HMCN1: variants seen among roughly 807,000 people sequenced by gnomAD.
HMCN1 encodes hemicentin-1.
Under a neutral mutation model 625.9 loss-of-function variants are expected in HMCN1, and 321 were observed. The ratio of observed to expected loss-of-function variants is 0.51; its 90% CI spans 0.47 to 0.56. The LOEUF (loss-of-function observed/expected upper bound fraction) is 0.56, where lower values mean the gene tolerates loss of function less well. Ranked by LOEUF, HMCN1 falls within the 20% of genes least tolerant of loss-of-function variation. The probability of loss-of-function intolerance (pLI) is 0.00; values close to 1 mark genes in which losing one functional copy is unlikely to be tolerated. For missense variants in HMCN1, 6,588 were observed against 6,887.3 expected, an observed-to-expected ratio of 0.96 and a Z score of 1.54; for synonymous variants, 2,425 against 2,417.6, an observed-to-expected ratio of 1.00 and a Z score of -0.09.
At chr1:186,170,673 T>TA (rs950324347) in intron 100 of HMCN1, among the ~76,000 whole-genome samples, 3 of 151,950 alleles carry the variant, frequency 2.0e-5, no homozygotes, top group Non-Finnish European at 4.4e-5. Flanking sequence ...AAAGCTCAAA[T>TA]AGGGGGACTT....
In HMCN1 at chr1:185,933,628, C is replaced by T; in HGVS notation, c.1632C>T (p.Ile544=). Residue 544 remains isoleucine, a synonymous_variant, in exon 11 of 107, where the codon ATC becomes ATT. Transcript: ENST00000271588. The part of the protein sequence containing the change: ...GERAVLTCLI[I]SAVDYNLTWQ... ...GAGCAGTTTTAACATGTCTCATCAT[C>T]AGTGCGGTGGATTACAATCTAACCT... 1.2e-6 allele frequency: 2 copies of T among 1,613,988 alleles called. No individual in the cohort carries two copies. The highest frequency in any genetic ancestry group is 1.7e-6 in the Non-Finnish European group (2 of 1,179,912).
chr1:185,803,218 A>C (rs1246546159), intron 1 of HMCN1, among the ~76,000 whole-genome samples: 5 of 139,542 alleles, frequency 3.6e-5, no homozygotes, highest in Non-Finnish European at 7.4e-5. Context: ...AAAAAAAAAA[A>C]AAAAACAAAA....
At chr1:185,889,223 GT>G (rs1441140805) in intron 4 of HMCN1, among the ~76,000 whole-genome samples, 1 of 145,188 alleles carries the variant, frequency 6.9e-6, no homozygotes, top group Non-Finnish European at 1.5e-5. Context: ...AGACGATGGG[GT>G]TTTCTAGATA....
chr1:186,155,639 G>C (rs542524664), intron 97 of HMCN1, among the ~76,000 whole-genome samples: 1 of 152,264 alleles, frequency 6.6e-6, no homozygotes, highest in South Asian at 2.1e-4. Flanking sequence ...CCGTCTTTAA[G>C]TGTGTTTGTT....
chr1:186,108,887 G>T (rs1660748907), intron 71 of HMCN1, among the ~76,000 whole-genome samples: 1 of 152,190 alleles, frequency 6.6e-6, no homozygotes, highest in Non-Finnish European at 1.5e-5. Context: ...ATTAAAGTTT[G>T]ATTTGAAATA....
chr1:185,746,703 C>T (rs1334358986), intron 1 of HMCN1, among the ~76,000 whole-genome samples: 1 of 149,230 alleles, frequency 6.7e-6, no homozygotes, highest in African/African-American at 2.5e-5. Context: ...CTCCCAGGTT[C>T]TAGCGATTCT....
At chr1:185,915,917 T>C (rs1666675538) in intron 6 of HMCN1, among the ~76,000 whole-genome samples, 1 of 151,998 alleles carries the variant, frequency 6.6e-6, no homozygotes, top group South Asian at 2.1e-4. Context: ...TGTTTGATAA[T>C]AGATTTTTCC....
Position 185,877,321 on chromosome 1 carries a change from CTTTTTTTTTTTTT to C in HMCN1, c.621+11476_621+11488del, listed in dbSNP as rs71557837. On this transcript the variant is annotated intron_variant, in intron 4 of 106. Coordinates refer to ENST00000271588, the MANE Select transcript of HMCN1 (RefSeq NM_031935.3). ...CTATTTCATTGATCTATGTGTCTTT[CTTTTTTTTTTTTT>C]TTTTTTTTTTTTTTTTTACCAGTAC... 2.3e-4 allele frequency among the ~76,000 whole-genome samples: 8 copies of C among 34,912 alleles called. No individual in the cohort carries two copies. In the East Asian group the frequency reaches 4.1e-3, roughly 18 times the overall value. 22.9% of individuals were successfully genotyped at this position (34,912 alleles called of 152,430 possible).
At chr1:186,110,977 C>CCTTTTTTTTTTTTTTTTTTTT (rs1660847379) in intron 71 of HMCN1, among the ~76,000 whole-genome samples, 1 of 61,650 alleles carries the variant, frequency 1.6e-5, no homozygotes, top group African/African-American at 9.8e-5. Flanking sequence ...AGAGAAAATT[C>CCTTTTTTTTTTTTTTTTTTTT]TTTTTTTTTT....
Position 185,745,046 on chromosome 1 carries a change from TA to T in HMCN1, c.268+10008del, listed in dbSNP as rs138596042. 4.0e-5 allele frequency among the ~76,000 whole-genome samples: 6 copies of T among 150,694 alleles called. No individual in the cohort carries two copies. The South Asian group carries it at 8.4e-4, about 21-fold the overall frequency. ...TGGACTGGACATGGTCCTAAGAATC[TA>T]AAAAAAAAGAAATATAATTGCCTTT... On this transcript the variant is annotated intron_variant, in intron 1 of 106. Coordinates refer to ENST00000271588, the MANE Select transcript of HMCN1 (RefSeq NM_031935.3).
chr1:185,792,279 C>T (rs1465051422), intron 1 of HMCN1, among the ~76,000 whole-genome samples: 1 of 152,096 alleles, frequency 6.6e-6, no homozygotes, highest in African/African-American at 2.4e-5. Flanking sequence ...AACTGTATTC[C>T]CAATCACAGA....
At chr1:185,736,643 G>A (rs1032047690) in intron 1 of HMCN1, among the ~76,000 whole-genome samples, 9 of 152,124 alleles carry the variant, frequency 5.9e-5, no homozygotes, top group South Asian at 2.1e-4. Context: ...CATGGATACC[G>A]GACTATCCTG....
intron 1 of HMCN1, among the ~76,000 whole-genome samples, chr1:185,804,621 TA>T (rs754586783): frequency 2.0e-4 from 31 of 152,134 alleles, no homozygotes; most frequent in Non-Finnish European, 4.3e-4. Flanking sequence ...GGTTTCTTTT[TA>T]AAACGAGTTC....
rs555987577 is a variant in HMCN1 at position 186,137,910 on chromosome 1, G to A, written c.13862G>A (p.Gly4621Asp). Reference protein sequence around the residue: ...RTCNNPSVQHGGRPCEGNAVE... With the variant: ...RTCNNPSVQHDGRPCEGNAVE... ...TGCAATAATCCATCAGTTCAGCATG[G>A]TGGGCGGCCATGTGAAGGGAATGCT... Residue 4621 changes from glycine (G) to aspartate (D), a missense_variant, in exon 89 of 107, where the codon GGT becomes GAT. Transcript: ENST00000271588. 1.1e-5 allele frequency: 18 copies of A among 1,614,088 alleles called. No homozygotes were observed. Among genetic ancestry groups the A allele is most frequent in the Middle Eastern group, 1.7e-4 (1 of 6,060 alleles).
intron 1 of HMCN1, among the ~76,000 whole-genome samples, chr1:185,826,319 A>G (rs1236456528): frequency 6.6e-6 from 1 of 152,234 alleles, no homozygotes; most frequent in African/African-American, 2.4e-5. Flanking sequence ...ATCCAAAGCA[A>G]CAAGGTAAAT....
chr1:186,105,790 C>G (rs1461532980), intron 69 of HMCN1, among the ~76,000 whole-genome samples: 1 of 152,094 alleles, frequency 6.6e-6, no homozygotes, highest in Non-Finnish European at 1.5e-5. Flanking sequence ...AAGAATAGTC[C>G]TGAATGATGG....
At chr1:185,805,374 C>T (rs1159440219) in intron 1 of HMCN1, among the ~76,000 whole-genome samples, 1 of 152,028 alleles carries the variant, frequency 6.6e-6, no homozygotes, top group Non-Finnish European at 1.5e-5. Context: ...AGTGCAGAGG[C>T]CAAAAAGTTC....
rs1027583940 is a variant in HMCN1, at chr1:186,133,748, C to T, written c.13312+1339C>T. Among the ~76,000 whole-genome samples the T allele has an allele frequency of 8.5e-5, 13 of 152,212 alleles. No homozygotes were observed. The East Asian group carries it at 9.6e-4, about 11-fold the overall frequency. On this transcript the variant is annotated intron_variant, in intron 86 of 106. Coordinates refer to ENST00000271588, the MANE Select transcript of HMCN1 (RefSeq NM_031935.3). Reference sequence around the variant, plus strand: ...TACAATGTTTCACTAAAGAACATATCTATCAAATGATAACATGGGATGTCA... The same window carrying T: ...TACAATGTTTCACTAAAGAACATATTTATCAAATGATAACATGGGATGTCA...
At chr1:185,942,490 A>G (rs1202842631) in intron 11 of HMCN1, among the ~76,000 whole-genome samples, 4 of 152,232 alleles carry the variant, frequency 2.6e-5, no homozygotes, top group African/African-American at 7.2e-5. Context: ...GTTAGCAAAC[A>G]TATCAACCCA....
Sources: allele counts gnomAD v4.1 joint callset (sites outside exome capture counted in the v4.1 genomes callset), GRCh38; gene constraint gnomAD v4.1.1; transcripts MANE v1.5; gene names NCBI Gene and HGNC (gene_info 2026-07-23, HGNC 2026-07-21).